NIM1K: variants seen among roughly 807,000 people sequenced by gnomAD.
NIM1K encodes NIM1 serine/threonine protein kinase.
NIM1K carries 35 observed loss-of-function variants against 37.1 expected under a neutral mutation model. The ratio of observed to expected loss-of-function variants is 0.94; its 90% CI spans 0.72 to 1.25. The LOEUF (loss-of-function observed/expected upper bound fraction) is 1.25, where lower values mean the gene tolerates loss of function less well. Among genes scored for constraint, NIM1K ranks in the 50% most tolerant of loss-of-function variants. The probability of loss-of-function intolerance (pLI) is 0.00; values close to 1 mark genes in which losing one functional copy is unlikely to be tolerated. For missense variants in NIM1K, 564 were observed against 548.0 expected (o/e 1.03, Z -0.29); for synonymous variants, 234 against 206.6 (o/e 1.13, Z -1.14).
At chr5:43,266,097 G>A (rs182619455) in intron 2 of NIM1K, among the ~76,000 whole-genome samples, 12 of 152,210 alleles carry the variant, frequency 7.9e-5, no homozygotes, top group Middle Eastern at 3.2e-3. Context: ...AAGTCTGTCC[G>A]TTCTCAGATC....
At position 43,196,512 on chromosome 5, in the gene NIM1K, G is replaced by A. The variant is rs189618789; in HGVS notation, c.-695+4101G>A. 7.5e-3 allele frequency among the ~76,000 whole-genome samples: 1,134 copies of A among 151,862 alleles called. 9 individuals are homozygous for A. Among genetic ancestry groups the A allele is most frequent in the Middle Eastern group, 0.037 (11 of 294 alleles). ...TAGCCAGGTGTGGTGGTGGGCGCCT[G>A]TAGTCCCAGCTACTCGGGAGGCTGA... On this transcript the variant is annotated intron_variant, in intron 1 of 3. Transcript: ENST00000326035.
intron 2 of NIM1K, among the ~76,000 whole-genome samples, chr5:43,264,704 T>A (rs1245427188): frequency 6.6e-6 from 1 of 152,198 alleles, no homozygotes; most frequent in East Asian, 1.9e-4. Flanking sequence ...GATGCAGTTT[T>A]CTCCCTAGCA....
At chr5:43,230,752 G>A (rs777305274) in intron 1 of NIM1K, among the ~76,000 whole-genome samples, 1 of 152,144 alleles carries the variant, frequency 6.6e-6, no homozygotes, top group East Asian at 1.9e-4. Flanking sequence ...ATGAAGGGGG[G>A]ATAACAACCC....
intron 1 of NIM1K, among the ~76,000 whole-genome samples, chr5:43,215,267 T>C (rs1021442424): frequency 2.7e-4 from 41 of 152,322 alleles, no homozygotes; most frequent in African/African-American, 9.9e-4. Flanking sequence ...TCTCCAACAT[T>C]GTGTAATCAC....
chr5:43,223,336 C>T (rs1211049497), intron 1 of NIM1K, among the ~76,000 whole-genome samples: 3 of 152,096 alleles, frequency 2.0e-5, no homozygotes, highest in Non-Finnish European at 4.4e-5. Flanking sequence ...ATATTAGCAC[C>T]TACCTTCTAA....
chr5:43,198,580 C>A (rs1432640256), intron 1 of NIM1K, among the ~76,000 whole-genome samples: 1 of 152,044 alleles, frequency 6.6e-6, no homozygotes, highest in East Asian at 1.9e-4. Context: ...TTCCAGCCCA[C>A]TTCATATTGT....
chr5:43,224,760 G>A (rs964468201), intron 1 of NIM1K, among the ~76,000 whole-genome samples: 2 of 150,330 alleles, frequency 1.3e-5, no homozygotes, highest in African/African-American at 2.5e-5. Context: ...GCAGTGGCGC[G>A]ATCTCGGCTC....
intron 1 of NIM1K, among the ~76,000 whole-genome samples, chr5:43,223,015 TGTAATCCCAGCTA>T (rs1752403386): frequency 1.3e-5 from 2 of 151,880 alleles, no homozygotes; most frequent in African/African-American, 4.8e-5. Context: ...GGTGCATGCC[TGTAATCCCAGCTA>T]CTCCGGAGGC....
intron 1 of NIM1K, among the ~76,000 whole-genome samples, chr5:43,209,443 G>GT (rs1347722753): frequency 3.3e-5 from 5 of 151,910 alleles, no homozygotes; most frequent in African/African-American, 1.2e-4. Flanking sequence ...ACTGGAAAGG[G>GT]TTTTGCTTTT....
At chr5:43,210,854 C>T (rs1484723864) in intron 1 of NIM1K, among the ~76,000 whole-genome samples, 4 of 152,208 alleles carry the variant, frequency 2.6e-5, no homozygotes, top group Admixed American at 6.5e-5. Context: ...TATCTACCAT[C>T]ACATCTTGAT....
In NIM1K at chr5:43,239,714, A is replaced by T. The variant is rs112869181; in HGVS notation, c.-694-5368A>T. Among the ~76,000 whole-genome samples, 263 of 140,840 alleles carry T rather than the reference A, an allele frequency of 1.9e-3. No homozygotes were observed. In the Middle Eastern group the frequency reaches 0.02, roughly 11 times the overall value. 92.4% of individuals were successfully genotyped at this position (140,840 alleles called of 152,430 possible). A position where few individuals can be genotyped will look rare whatever the true frequency, so the allele number is the denominator to read the frequency against. ...CTAATTTTTTGTATTTTTAGTAGAGACGGGGTTTCACCATGTTGGCCAGGC... is the reference window on the plus strand; with the variant it reads ...CTAATTTTTTGTATTTTTAGTAGAGTCGGGGTTTCACCATGTTGGCCAGGC... On this transcript the variant is annotated intron_variant, in intron 1 of 3. Transcript: ENST00000326035.
Position 43,199,635 on chromosome 5 carries a change from C to T in NIM1K, c.-695+7224C>T, listed in dbSNP as rs1751988724. ...ACAGGAAAGCACTAATTATCAGAAA[C>T]ACCACACTAAGGTCTTACTGGCCAA... On this transcript the variant is annotated intron_variant, in intron 1 of 3. Coordinates refer to ENST00000326035, the MANE Select transcript of NIM1K (RefSeq NM_153361.4). 2.0e-5 allele frequency among the ~76,000 whole-genome samples: 3 copies of T among 152,170 alleles called. No homozygotes were observed. The South Asian group carries it at 6.2e-4, about 32-fold the overall frequency.
At chr5:43,256,256 A>G (rs1752944219) in intron 2 of NIM1K, among the ~76,000 whole-genome samples, 2 of 147,192 alleles carry the variant, frequency 1.4e-5, no homozygotes, top group African/African-American at 2.4e-5. Flanking sequence ...TGTTGTATTA[A>G]TCCAGGCAAG....
rs981608162 is a variant in NIM1K, at chr5:43,201,936, T to C, written c.-695+9525T>C. On this transcript the variant is annotated intron_variant, in intron 1 of 3. Coordinates refer to ENST00000326035, the MANE Select transcript of NIM1K (RefSeq NM_153361.4). Reference sequence around the variant, plus strand: ...ATCGTGCCACTGCACTCCAGCCTGGTGACAGAGCGAGACTCCCTCTGAGCG... The same window carrying C: ...ATCGTGCCACTGCACTCCAGCCTGGCGACAGAGCGAGACTCCCTCTGAGCG... 2.7e-5 allele frequency among the ~76,000 whole-genome samples: 4 copies of C among 147,350 alleles called. No individual in the cohort carries two copies. In the East Asian group the frequency reaches 6.0e-4, roughly 22 times the overall value.
At chr5:43,260,208 T>G (rs181284358) in intron 2 of NIM1K, among the ~76,000 whole-genome samples, 58 of 152,350 alleles carry the variant, frequency 3.8e-4, no homozygotes, top group African/African-American at 1.3e-3. Context: ...CCACTTTAGA[T>G]GTCCTTTATT....
At chr5:43,252,988 T>A (rs1234071488) in intron 2 of NIM1K, among the ~76,000 whole-genome samples, 7 of 149,666 alleles carry the variant, frequency 4.7e-5, no homozygotes, top group South Asian at 2.1e-4. Context: ...TTTTTTTTTT[T>A]ATCTTTTGAG....
intron 1 of NIM1K, among the ~76,000 whole-genome samples, chr5:43,196,484 A>C (rs1751916623): frequency 6.6e-6 from 1 of 151,314 alleles, no homozygotes; most frequent in Admixed American, 6.6e-5. Context: ...AAAAAAAAAA[A>C]ATTAGCCAGG....
At position 43,280,189 on chromosome 5, in the gene NIM1K, G is replaced by A. The variant is rs893906375; in HGVS notation, c.771G>A (p.Leu257=). ...YIGIYVDIWA[L]GVLLYFMVTG... is the part of the protein sequence containing the mutation. ...GCATTTACGTGGATATCTGGGCCTT[G>A]GGGGTGCTTTTGTACTTCATGGTGA... The change falls in exon 4 of 4, where the codon TTG becomes TTA. Residue 257 remains leucine (L), a synonymous_variant. Transcript: ENST00000326035. 1.2e-6 allele frequency: 2 copies of A among 1,614,132 alleles called. No homozygotes were observed. Among genetic ancestry groups the A allele is most frequent in the Non-Finnish European group, 1.7e-6 (2 of 1,180,030 alleles).
chr5:43,258,198 A>G (rs1166153662), intron 2 of NIM1K, among the ~76,000 whole-genome samples: 1 of 152,182 alleles, frequency 6.6e-6, no homozygotes, highest in Non-Finnish European at 1.5e-5. Flanking sequence ...GGCATCATCC[A>G]ATGTGTATTC....
Sources: gnomAD v4.1 joint callset for allele counts (sites outside exome capture counted in the v4.1 genomes callset) on GRCh38, gnomAD v4.1.1 for gene constraint, MANE v1.5 for transcripts, NCBI Gene and HGNC (gene_info 2026-07-23, HGNC 2026-07-21) for gene names.